CTNND2: variants seen among roughly 807,000 people sequenced by gnomAD.
CTNND2 encodes the protein catenin delta 2.
CTNND2 carries 22 observed loss-of-function variants against 144.4 expected under a neutral mutation model. The ratio of observed to expected loss-of-function variants is 0.15; its 90% CI spans 0.11 to 0.22. The LOEUF is 0.22. Among genes scored for constraint, CTNND2 ranks in the 10% least tolerant of loss-of-function variants. The pLI, the probability that CTNND2 is intolerant of heterozygous loss-of-function variation, is 1.00. For missense variants in CTNND2, 1,353 were observed against 1,618.8 expected, an observed-to-expected ratio of 0.84 and a Z score of 2.82; for synonymous variants, 751 against 695.6, an observed-to-expected ratio of 1.08 and a Z score of -1.25.
intron 3 of CTNND2, among the ~76,000 whole-genome samples, chr5:11,442,905 A>C (rs1764404680): frequency 6.8e-6 from 1 of 147,170 alleles, no homozygotes; most frequent in South Asian, 2.1e-4. Context: ...TATATTAGTG[A>C]AAAGCACTAA....
rs7703413 is a variant in CTNND2, at chr5:11,107,971, C to T, written c.2463+2887G>A. On this transcript the variant is annotated intron_variant, in intron 14 of 21. Transcript: ENST00000304623. ...AGGCATTGGGCTAGAAGTCACAGAC[C>T]GAAATAAGACCCACAGAGTCCTTTG... 7.6e-3 allele frequency among the ~76,000 whole-genome samples: 1,153 copies of T among 152,200 alleles called. 4 individuals carry two copies. The highest frequency in any genetic ancestry group is 0.013 in the Non-Finnish European group (913 of 68,014).
intron 16 of CTNND2, among the ~76,000 whole-genome samples, chr5:11,028,942 C>G (rs1271374254): frequency 1.3e-5 from 2 of 152,226 alleles, no homozygotes; most frequent in African/African-American, 4.8e-5. Flanking sequence ...CTCCTGGCCT[C>G]AAGTGATCTG....
intron 1 of CTNND2, among the ~76,000 whole-genome samples, chr5:11,872,709 G>C (rs1016667833): frequency 6.6e-6 from 1 of 152,008 alleles, no homozygotes; most frequent in Non-Finnish European, 1.5e-5. Context: ...CATATCCTTT[G>C]TCCACTTTTT....
chr5:11,107,345 A>G (rs1039415837), intron 14 of CTNND2, among the ~76,000 whole-genome samples: 10 of 152,224 alleles, frequency 6.6e-5, no homozygotes, highest in Non-Finnish European at 1.3e-4. Context: ...TGGTCATTTT[A>G]ACTACTAATA....
chr5:11,165,789 T>C (rs1759262137), intron 11 of CTNND2, among the ~76,000 whole-genome samples: 1 of 152,242 alleles, frequency 6.6e-6, no homozygotes, highest in Non-Finnish European at 1.5e-5. Flanking sequence ...TAATAAAACC[T>C]TAATTACTTT....
At chr5:11,692,738 A>G (rs1784964732) in intron 2 of CTNND2, among the ~76,000 whole-genome samples, 1 of 152,222 alleles carries the variant, frequency 6.6e-6, no homozygotes, top group African/African-American at 2.4e-5. Flanking sequence ...AGTAGCTGCA[A>G]TTTCAGGTGG....
At chr5:11,304,156 T>C (rs1749918441) in intron 9 of CTNND2, among the ~76,000 whole-genome samples, 1 of 152,200 alleles carries the variant, frequency 6.6e-6, no homozygotes, top group Admixed American at 6.5e-5. Flanking sequence ...GAAGGGTATG[T>C]CTTTATCAGC....
rs146710452 is a variant in CTNND2, at chr5:11,138,724, T to C, written c.2159+20852A>G. On this transcript the variant is annotated intron_variant, in intron 12 of 21. Coordinates refer to ENST00000304623, the MANE Select transcript of CTNND2 (RefSeq NM_001332.4). ...GTAGTTACTGATTAATTATTTTTTC[T>C]AGAAAAGTTAGCTTTGCTAGGAGCT... Among the ~76,000 whole-genome samples, 15 of 152,338 alleles carry C rather than the reference T, an allele frequency of 9.8e-5. 1 individual carries two copies. In the East Asian group the frequency reaches 2.9e-3, roughly 29 times the overall value.
intron 2 of CTNND2, among the ~76,000 whole-genome samples, chr5:11,611,129 T>C (rs1354834486): frequency 1.3e-5 from 2 of 152,266 alleles, no homozygotes; most frequent in South Asian, 4.1e-4. Flanking sequence ...TCATGAGATC[T>C]GATGGTTTTA....
chr5:11,455,185 G>A (rs1048898449), intron 3 of CTNND2, among the ~76,000 whole-genome samples: 1 of 151,656 alleles, frequency 6.6e-6, no homozygotes, highest in Non-Finnish European at 1.5e-5. Flanking sequence ...AAAACGCCAA[G>A]CAGAGGACTG....
chr5:11,423,886 A>C (rs941210345), intron 3 of CTNND2, among the ~76,000 whole-genome samples: 3 of 152,186 alleles, frequency 2.0e-5, no homozygotes, highest in Non-Finnish European at 4.4e-5. Context: ...ATAAAGAAAA[A>C]ATTTTTTTTT....
rs571911191 is a variant in CTNND2, at chr5:11,774,680, T to C, written c.38-42408A>G. Reference sequence around the variant, plus strand: ...GAAGTAGTATGTATCTCAGTCTTGATTTAAGAAACACTTTTTTTTCAACTG... The same window carrying C: ...GAAGTAGTATGTATCTCAGTCTTGACTTAAGAAACACTTTTTTTTCAACTG... On this transcript the variant is annotated intron_variant, in intron 1 of 21. Coordinates refer to ENST00000304623, the MANE Select transcript of CTNND2 (RefSeq NM_001332.4). Among the ~76,000 whole-genome samples the C allele has an allele frequency of 3.9e-5, 6 of 152,310 alleles. No homozygotes were observed. In the East Asian group the frequency reaches 9.7e-4, roughly 25 times the overall value.
chr5:11,802,927 T>C (rs1010588749), intron 1 of CTNND2, among the ~76,000 whole-genome samples: 5 of 152,232 alleles, frequency 3.3e-5, no homozygotes, highest in African/African-American at 1.2e-4. Context: ...TCAGTGACTC[T>C]GACATATTTC....
intron 2 of CTNND2, among the ~76,000 whole-genome samples, chr5:11,611,697 GAA>G (rs2126383544): frequency 6.6e-6 from 1 of 152,272 alleles, no homozygotes; most frequent in South Asian, 2.1e-4. Flanking sequence ...AGAATCGCTG[GAA>G]CCCGGGAGGC....
chr5:11,525,034 C>T (rs1280269788), intron 3 of CTNND2, among the ~76,000 whole-genome samples: 1 of 152,182 alleles, frequency 6.6e-6, no homozygotes, highest in Non-Finnish European at 1.5e-5. Context: ...TTTAGAAAAG[C>T]AGGCTGTCTG....
intron 2 of CTNND2, among the ~76,000 whole-genome samples, chr5:11,664,878 A>T (rs1240027515): frequency 6.6e-6 from 1 of 152,182 alleles, no homozygotes; most frequent in African/African-American, 2.4e-5. Flanking sequence ...TGTTGGATTA[A>T]GTATATAATT....
chr5:11,609,218 G>A (rs565543043), intron 2 of CTNND2, among the ~76,000 whole-genome samples: 1 of 151,882 alleles, frequency 6.6e-6, no homozygotes, highest in African/African-American at 2.4e-5. Flanking sequence ...TTCATTTTTT[G>A]TTGCTTATGT....
At chr5:11,501,470 G>T (rs1426525104) in intron 3 of CTNND2, among the ~76,000 whole-genome samples, 3 of 152,306 alleles carry the variant, frequency 2.0e-5, no homozygotes, top group Admixed American at 2.0e-4. Context: ...CTCAACAAAA[G>T]CAGAAGTCAC....
chr5:11,701,044 T>C (rs1337505683), intron 2 of CTNND2, among the ~76,000 whole-genome samples: 1 of 152,220 alleles, frequency 6.6e-6, no homozygotes, highest in Non-Finnish European at 1.5e-5. Flanking sequence ...TTTGGTTAAA[T>C]ATTCTGGGAT....
Sources: gnomAD v4.1 joint callset for allele counts (sites outside exome capture counted in the v4.1 genomes callset) on GRCh38, gnomAD v4.1.1 for gene constraint, MANE v1.5 for transcripts, NCBI Gene and HGNC (gene_info 2026-07-23, HGNC 2026-07-21) for gene names.